Variants in AP4E1 observed in about 807,000 individuals in gnomAD.
The protein encoded by AP4E1 is AP-4 complex subunit epsilon-1.
A neutral mutation model predicts 128.2 loss-of-function variants in AP4E1; 56 were observed. The observed-to-expected ratio is 0.44, with a 90% CI of 0.35 to 0.55. The LOEUF is 0.55. Among genes scored for constraint, AP4E1 ranks in the 20% least tolerant of loss-of-function variants. The pLI, the probability that AP4E1 is intolerant of heterozygous loss-of-function variation, is 0.00. For missense variants in AP4E1, 1,324 were observed against 1,307.7 expected (o/e 1.01, Z -0.19); for synonymous variants, 484 against 473.1 (o/e 1.02, Z -0.30).
At chr15:50,945,766 G>A (rs1728123404) in intron 10 of AP4E1, 1 of 763,748 alleles carries the variant, frequency 1.3e-6, no homozygotes, top group Non-Finnish European at 2.4e-6. Context: ...ATGAGAAAAA[G>A]CAGCTAAGGA....
At chr15:50,944,731 T>A in intron 10 of AP4E1, 1 of 536,062 alleles carries the variant, frequency 1.9e-6, no homozygotes, top group South Asian at 2.7e-5. Context: ...TTACAGAGAG[T>A]TCCAAGAAAC....
rs141278078 is a variant in AP4E1, at chr15:50,999,099, C to T, written c.2932C>T (p.Pro978Ser). 624 of 1,613,920 alleles carry T rather than the reference C, an allele frequency of 3.9e-4. 3 individuals are homozygous for T. The highest frequency in any genetic ancestry group is 2.4e-3 in the South Asian group (217 of 91,068). Residue 978 changes from proline to serine, a missense_variant, in exon 19 of 21, where the codon CCT (proline) becomes TCT (serine). By Grantham distance (74) the Pro-to-Ser change is moderately conservative. Transcript: ENST00000261842. Reference protein sequence around the residue: ...KVTEQPGCCLPVMEAESTKSF... With the variant: ...KVTEQPGCCLSVMEAESTKSF... ...GACTGAGCAACCTGGATGCTGTTTG[C>T]CTGTAATGGAAGCAGAAAGCACCAA... is the stretch of plus-strand genomic sequence containing the variant.
intron 20 of AP4E1, among the ~76,000 whole-genome samples, chr15:51,001,916 T>C (rs934395958): frequency 3.9e-5 from 6 of 152,198 alleles, no homozygotes; most frequent in African/African-American, 1.4e-4. Flanking sequence ...GCTCACTTTG[T>C]TACCCATGCT....
rs1320345436 is a variant in AP4E1, at chr15:50,941,745, A to G, written c.1146A>G (p.Leu382=). ...ACCAGATGACAATAATTGAATGTTTAGATCATCCTGATCCCATTATTAAAA... is the reference window on the plus strand; with the variant it reads ...ACCAGATGACAATAATTGAATGTTTGGATCATCCTGATCCCATTATTAAAA... The part of the protein sequence containing the change: ...LQHQMTIIEC[L]DHPDPIIKRE... The change falls in exon 10 of 21, where the codon TTA becomes TTG. Residue 382 remains leucine (L), a synonymous_variant. Transcript: ENST00000261842. The G allele has an allele frequency of 6.2e-7, 1 of 1,611,856 alleles. No individual in the cohort carries two copies. The highest frequency in any genetic ancestry group is 8.5e-7 in the Non-Finnish European group (1 of 1,178,218).
chr15:50,938,625 C>G (rs1253820022), intron 8 of AP4E1, among the ~76,000 whole-genome samples: 1 of 152,118 alleles, frequency 6.6e-6, no homozygotes, highest in African/African-American at 2.4e-5. Flanking sequence ...TAATTTTCCC[C>G]TCTTTGTGGC....
At position 50,963,947 on chromosome 15, in the gene AP4E1, A is replaced by G. The variant is rs73408537; in HGVS notation, c.1852-4316A>G. On this transcript the variant is annotated intron_variant, in intron 14 of 20. Transcript: ENST00000261842. ...TTCCAGAAGAGACACTCTTATTCCT[A>G]TTTAGAATCAGTACTGGATTACAGG... Among the ~76,000 whole-genome samples, 276 of 152,326 alleles carry G rather than the reference A, an allele frequency of 1.8e-3. 2 individuals carry two copies. Among genetic ancestry groups the G allele is most frequent in the African/African-American group, 6.0e-3 (249 of 41,576 alleles).
rs1235545740 is a variant in AP4E1, at chr15:50,925,139, G to A, written c.462G>A (p.Leu154=). 2 of 1,613,900 alleles carry A rather than the reference G, an allele frequency of 1.2e-6. No homozygotes were observed. The highest frequency in any genetic ancestry group is 2.7e-5 in the African/African-American group (2 of 74,938). Residue 154 remains leucine (L), a synonymous_variant, in exon 5 of 21, where the codon CTG becomes CTA. Transcript: ENST00000261842. ...ACCTAGTAGAAGTGTGTATGGCACT[G>A]ACTGTTGTTAGCCAGATTTTCCCCT... The part of the protein sequence containing the change: ...STNLVEVCMA[L]TVVSQIFPCE...
chr15:50,908,622 G>A (rs1398496503), upstream of AP4E1: 31 of 1,019,488 alleles, frequency 3.0e-5, no homozygotes, highest in Non-Finnish European at 3.7e-5. Context: ...CCTCTCGCGA[G>A]AACGACGCTG....
At chr15:50,935,774 T>C (rs1472861654) in intron 8 of AP4E1, among the ~76,000 whole-genome samples, 2 of 152,166 alleles carry the variant, frequency 1.3e-5, no homozygotes. Flanking sequence ...ATTGAACTAG[T>C]TTAACTGAAA....
At chr15:50,937,175 T>C (rs1288827379) in intron 8 of AP4E1, among the ~76,000 whole-genome samples, 4 of 152,230 alleles carry the variant, frequency 2.6e-5, no homozygotes. Flanking sequence ...TTTTACTGCT[T>C]AAGAATGTTA....
At chr15:50,991,708 C>G (rs2064808488) in intron 16 of AP4E1, among the ~76,000 whole-genome samples, 1 of 152,082 alleles carries the variant, frequency 6.6e-6, no homozygotes, top group African/African-American at 2.4e-5. Context: ...TAGCTACTTA[C>G]TTCTTAATAG....
At position 50,912,074 on chromosome 15, in the gene AP4E1, T is replaced by C; in HGVS notation, c.151-4T>C. 1 of 1,613,176 alleles carries C rather than the reference T, an allele frequency of 6.2e-7. No homozygotes were observed. Among genetic ancestry groups the C allele is most frequent in the Non-Finnish European group, 8.5e-7 (1 of 1,179,140 alleles). ...CAAGCATTTAAATATTTTCACTTTC[T>C]CAGGAAGAAGAAAAATTAATCCAGC... On this transcript the variant is annotated splice_region_variant and splice_polypyrimidine_tract_variant and intron_variant, in intron 1 of 20. Coordinates refer to ENST00000261842, the MANE Select transcript of AP4E1 (RefSeq NM_007347.5).
chr15:50,931,356 A>G (rs1596466259), intron 7 of AP4E1, among the ~76,000 whole-genome samples: 1 of 152,144 alleles, frequency 6.6e-6, no homozygotes, highest in Non-Finnish European at 1.5e-5. Context: ...TCACAAGGTC[A>G]GGAGTTTGAG....
intron 8 of AP4E1, among the ~76,000 whole-genome samples, chr15:50,940,752 A>G (rs1363449873): frequency 1.3e-5 from 2 of 152,178 alleles, no homozygotes; most frequent in Non-Finnish European, 1.5e-5. Context: ...TTTAGTGTCC[A>G]TTTTGATCAT....
rs7164027 is a variant in AP4E1 at position 51,003,057 on chromosome 15, A to G, written c.*395A>G. 1.9e-3 allele frequency: 411 copies of G among 219,762 alleles called. 3 individuals carry two copies. Among genetic ancestry groups the G allele is most frequent in the African/African-American group, 9.3e-3 (397 of 42,812 alleles). 13.6% of individuals were successfully genotyped at this position (219,762 alleles called of 1,614,324 possible). A position where few individuals can be genotyped will look rare whatever the true frequency, so the allele number is the denominator to read the frequency against. On this transcript the variant is annotated 3_prime_UTR_variant, in exon 21 of 21. Transcript: ENST00000261842. ...TGCATTAAATGGAAGGGAGACATGA[A>G]ATTGATAATCTCAAACTTAATTCAT...
rs2063828470 is a variant in AP4E1, at chr15:50,930,963, T to C, written c.861T>C (p.Asp287=). 6.2e-7 allele frequency: 1 copy of C among 1,614,010 alleles called. No homozygotes were observed. The highest frequency in any genetic ancestry group is 8.5e-7 in the Non-Finnish European group (1 of 1,180,018). The change falls in exon 7 of 21, where the codon GAT becomes GAC. Residue 287 remains aspartate (D), a synonymous_variant. Transcript: ENST00000261842. ...LLRILGLLGK[D]DQRTSELMYD... is the part of the protein sequence containing the mutation. ...GAATACTGGGACTTCTAGGAAAAGA[T>C]GATCAAAGGTAAACTATTTTCAGTA... is the stretch of plus-strand genomic sequence containing the variant.
Position 50,997,394 on chromosome 15 carries a change from C to T in AP4E1, c.2415C>T (p.Gly805=), listed in dbSNP as rs752770458. Reference sequence around the variant, plus strand: ...CAAAAGTCAAAGAAGCTAAAAGTGGCGAAACAACCAGTACTCATAATATGA... The same window carrying T: ...CAAAAGTCAAAGAAGCTAAAAGTGGTGAAACAACCAGTACTCATAATATGA... The part of the protein sequence containing the change: ...RKSKVKEAKS[G]ETTSTHNMTC... Residue 805 remains glycine (G), a synonymous_variant, in exon 18 of 21, where the codon GGC becomes GGT. Coordinates refer to ENST00000261842, the MANE Select transcript of AP4E1 (RefSeq NM_007347.5). 8.1e-6 allele frequency: 13 copies of T among 1,605,306 alleles called. No homozygotes were observed. The highest frequency in any genetic ancestry group is 4.5e-5 in the East Asian group (2 of 44,774).
intron 2 of AP4E1, among the ~76,000 whole-genome samples, chr15:50,913,092 C>T (rs1016204207): frequency 6.6e-6 from 1 of 152,058 alleles, no homozygotes; most frequent in Non-Finnish European, 1.5e-5. Flanking sequence ...AATATCAGGA[C>T]GATCATTTTG....
intron 10 of AP4E1, among the ~76,000 whole-genome samples, chr15:50,944,157 C>T (rs1306959169): frequency 6.6e-6 from 1 of 152,032 alleles, no homozygotes; most frequent in Non-Finnish European, 1.5e-5. Context: ...TCCTTGGTGC[C>T]CAAAGATGGC....
Sources: allele counts gnomAD v4.1 joint callset (sites outside exome capture counted in the v4.1 genomes callset), GRCh38; gene constraint gnomAD v4.1.1; transcripts MANE v1.5; gene names NCBI Gene and HGNC (gene_info 2026-07-23, HGNC 2026-07-21).